TMEM94: variants seen among roughly 807,000 people sequenced by gnomAD.
TMEM94 encodes ER Mg2+ ATPase.
A neutral mutation model predicts 158.6 loss-of-function variants in TMEM94; 81 were observed. The observed-to-expected ratio is 0.51, with a 90% CI of 0.43 to 0.61. TMEM94 has a LOEUF of 0.61. Among genes scored for constraint, TMEM94 ranks in the 20% least tolerant of loss-of-function variants. The pLI is 0.00. For missense variants in TMEM94, 1,435 were observed against 1,762.0 expected (o/e 0.81, Z 3.32); for synonymous variants, 751 against 730.7 (o/e 1.03, Z -0.45).
Position 75,486,381 on chromosome 17 carries a change from C to T in TMEM94, c.364C>T (p.Arg122Trp), listed in dbSNP as rs769128962. The T allele has an allele frequency of 6.8e-6, 11 of 1,614,044 alleles. No homozygotes were observed. Among genetic ancestry groups the T allele is most frequent in the African/African-American group, 1.3e-5 (1 of 74,910 alleles). The change falls in exon 5 of 32, where the codon CGG becomes TGG. Residue 122 changes from arginine (R) to tryptophan (W), a missense_variant. This residue lies in a region of TMEM94 where 1,051 missense variants were observed against 1,254.4 expected (regional missense o/e 0.84). Coordinates refer to ENST00000314256, the MANE Select transcript of TMEM94 (RefSeq NM_014738.6). ...CGGGCGGCAAGACCGGCTGAAGCGT[C>T]GGGAGGTAGAGCGGAGGCTGCGAGG... Reference protein sequence around the residue: ...LIGRQDRLKRREVERRLRGII... With the variant: ...LIGRQDRLKRWEVERRLRGII...
rs372064721 is a variant in TMEM94, at chr17:75,489,375, G to C, written c.867+7G>C. The stretch of plus-strand genomic sequence containing the variant: ...TGCTGTGCCCGTGGTCCTGGTGCGT[G>C]TGGCGGGGCTGTGCGGGGCTGCATG... On this transcript the variant is annotated splice_region_variant and intron_variant, in intron 8 of 31. Transcript: ENST00000314256. This position sits in a 1 kb window ranked among gnomAD's most constrained non-coding sequence, Gnocchi z 5.0. 3 of 1,613,552 alleles carry C rather than the reference G, an allele frequency of 1.9e-6. No individual in the cohort carries two copies. Among genetic ancestry groups the C allele is most frequent in the Non-Finnish European group, 2.5e-6 (3 of 1,179,572 alleles).
Position 75,494,806 on chromosome 17 carries a change from A to G in TMEM94, c.2587A>G (p.Lys863Glu). Residue 863 changes from lysine to glutamate, a missense_variant and splice_region_variant, in exon 19 of 32, where the codon AAG becomes GAG. Physicochemically the swap from Lys to Glu is moderately conservative, Grantham distance 56. Transcript: ENST00000314256. ...CTCTTTGGAGGATGAGCTCAAAAGC[A>G]AGGTGGGGAGAGCCATCCCTTCTGC... ...YFSLEDELKSKVFAEKMGLET... is the reference protein window; with the variant it reads ...YFSLEDELKSEVFAEKMGLET... 1 of 1,613,530 alleles carries G rather than the reference A, an allele frequency of 6.2e-7. No homozygotes were observed. The highest frequency in any genetic ancestry group is 1.1e-5 in the South Asian group (1 of 91,086).
chr17:75,463,170 GTGTGTGTGTATA>G (rs1379223450), intron 1 of TMEM94, among the ~76,000 whole-genome samples: 5 of 4,824 alleles, frequency 1.0e-3, no homozygotes, highest in African/African-American at 2.4e-3. Flanking sequence ...ATGTGTGTGT[GTGTGTGTGTATA>G]TATATATATA....
chr17:75,484,453 C>T (rs1196654333), intron 2 of TMEM94, among the ~76,000 whole-genome samples: 2 of 151,930 alleles, frequency 1.3e-5, no homozygotes, highest in Non-Finnish European at 2.9e-5. Flanking sequence ...GGCTGGAGTG[C>T]AGTGGCACAA....
Position 75,477,553 on chromosome 17 carries a change from G to A in TMEM94, c.24+5624G>A, listed in dbSNP as rs548540958. Among the ~76,000 whole-genome samples the A allele has an allele frequency of 3.5e-3, 537 of 152,016 alleles. 5 individuals are homozygous for A. Among genetic ancestry groups the A allele is most frequent in the African/African-American group, 0.013 (524 of 41,490 alleles). ...CATGAGCCACCATGCCCAGCCAGCCGTTCTAATTAGTAGTTATCTGCTGTT... is the reference window on the plus strand; with the variant it reads ...CATGAGCCACCATGCCCAGCCAGCCATTCTAATTAGTAGTTATCTGCTGTT... On this transcript the variant is annotated intron_variant, in intron 2 of 31. Transcript: ENST00000314256.
rs1422675405 is a variant in TMEM94 at position 75,490,755 on chromosome 17, T to C, written c.1125T>C (p.Ser375=). Residue 375 remains serine (S), a synonymous_variant, in exon 11 of 32, where the codon TCT becomes TCC. Coordinates refer to ENST00000314256, the MANE Select transcript of TMEM94 (RefSeq NM_014738.6). The part of the protein sequence containing the change: ...TLSSYTEAVS[S]QEMLRCIWGH... ...GCAGCTATACGGAGGCTGTCTCCTC[T>C]CAGGTACAACACTGACCCGGGATGG... 6.8e-6 allele frequency: 11 copies of C among 1,613,740 alleles called. No homozygotes were observed. The highest frequency in any genetic ancestry group is 9.3e-6 in the Non-Finnish European group (11 of 1,179,754).
intron 26 of TMEM94, 123 bp from the exon 27 acceptor site, chr17:75,497,658 G>A: frequency 1.4e-6 from 1 of 728,308 alleles, no homozygotes; most frequent in Non-Finnish European, 2.4e-6. Flanking sequence ...TCCAGCCTTT[G>A]TTTTATTCCA....
At position 75,491,092 on chromosome 17, in the gene TMEM94, G is replaced by C; in HGVS notation, c.1172G>C (p.Gly391Ala). The C allele has an allele frequency of 1.2e-6, 2 of 1,613,562 alleles. No homozygotes were observed. The highest frequency in any genetic ancestry group is 1.7e-6 in the Non-Finnish European group (2 of 1,179,790). Reference protein sequence around the residue: ...CIWGHFLRVLGGTSPTLSHSS... With the variant: ...CIWGHFLRVLAGTSPTLSHSS... ...TGGGGCCACTTCCTGAGGGTGCTCG[G>C]GGGGACATCGCCAACGCTGAGCCAC... The change falls in exon 12 of 32, where the codon GGG becomes GCG. Residue 391 changes from glycine (G) to alanine (A), a missense_variant. Around this residue, in one of 3 missense-constraint regions of TMEM94, gnomAD observed 1,051 missense variants for 1,254.4 expected, o/e 0.84. Transcript: ENST00000314256. This position sits in a 1 kb window ranked among gnomAD's most constrained non-coding sequence, Gnocchi z 5.1.
At chr17:75,490,921 C>T (rs1215119133) in intron 11 of TMEM94, 128 bp from the exon 12 acceptor site, 5 of 938,200 alleles carry the variant, frequency 5.3e-6, no homozygotes, top group Non-Finnish European at 6.6e-6. Context: ...CGTGTCCACA[C>T]CCTGTCCCAG....
Position 75,492,011 on chromosome 17 carries a change from T to C in TMEM94, c.1596+111T>C. 1 of 1,133,524 alleles carries C rather than the reference T, an allele frequency of 8.8e-7. No homozygotes were observed. Among genetic ancestry groups the C allele is most frequent in the African/African-American group, 1.6e-5 (1 of 64,482 alleles). The allele number at this position is 1,133,524 out of a possible 1,614,324, so 70.2% of individuals were successfully genotyped here. A position where few individuals can be genotyped will look rare whatever the true frequency, so the allele number is the denominator to read the frequency against. On this transcript the variant is annotated intron_variant, in intron 14 of 31. Transcript: ENST00000314256. The surrounding 1 kb of genome is among the most constrained non-coding windows in gnomAD (Gnocchi z 4.4). Reference sequence around the variant, plus strand: ...TGAAAGAGCAGGCGTCTCTGCCCTCTGTCCCAGCACCTCCAGGCTAGGCCA... The same window carrying C: ...TGAAAGAGCAGGCGTCTCTGCCCTCCGTCCCAGCACCTCCAGGCTAGGCCA...
chr17:75,497,298 G>A, intron 26 of TMEM94, 100 bp downstream of exon 26: 1 of 885,662 alleles, frequency 1.1e-6, no homozygotes, highest in South Asian at 1.4e-5. Context: ...AACTGCTCAG[G>A]TCTCACCTCC....
intron 2 of TMEM94, among the ~76,000 whole-genome samples, chr17:75,479,400 A>G (rs1430617196): frequency 6.6e-6 from 1 of 152,026 alleles, no homozygotes; most frequent in Non-Finnish European, 1.5e-5. Flanking sequence ...GCTCACTGCA[A>G]CCGCCGCCTC....
intron 2 of TMEM94, among the ~76,000 whole-genome samples, chr17:75,483,156 C>T (rs966679914): frequency 6.6e-6 from 1 of 152,156 alleles, no homozygotes; most frequent in African/African-American, 2.4e-5. Flanking sequence ...AGGGGCTCGG[C>T]TCGTGTCAGG....
In TMEM94 at chr17:75,492,172, A is replaced by G; in HGVS notation, c.1596+272A>G. 1 of 1,129,974 alleles carries G rather than the reference A, an allele frequency of 8.8e-7. No homozygotes were observed. Among genetic ancestry groups the G allele is most frequent in the Non-Finnish European group, 1.2e-6 (1 of 824,698 alleles). The allele number at this position is 1,129,974 out of a possible 1,614,324, so 70.0% of individuals were successfully genotyped here. A position where few individuals can be genotyped will look rare whatever the true frequency, so the allele number is the denominator to read the frequency against. ...TACACAGCCCGGAGCTCCCTCTTAG[A>G]GATGTTCCCTGGCCACAGAAGATCC... On this transcript the variant is annotated intron_variant, in intron 14 of 31. Transcript: ENST00000314256. The surrounding 1 kb of genome is among the most constrained non-coding windows in gnomAD (Gnocchi z 4.4).
chr17:75,491,440 C>T lies in TMEM94; in HGVS notation c.1371C>T (p.Ser457=). The T allele has an allele frequency of 6.2e-7, 1 of 1,614,162 alleles. No homozygotes were observed. ...EDLTDGLSTR[S]FCHPEPHERD... is the part of the protein sequence containing the mutation. ...TCACCGATGGCCTATCCACCCGCTCCTTCTGCCATCCCGAGGTAGAGGAGG... is the reference window on the plus strand; with the variant it reads ...TCACCGATGGCCTATCCACCCGCTCTTTCTGCCATCCCGAGGTAGAGGAGG... The change falls in exon 13 of 32, where the codon TCC becomes TCT. Residue 457 remains serine, a synonymous_variant. Transcript: ENST00000314256. This position sits in a 1 kb window ranked among gnomAD's most constrained non-coding sequence, Gnocchi z 5.1.
At chr17:75,461,078 T>A (rs2050048835) in intron 1 of TMEM94, among the ~76,000 whole-genome samples, 1 of 148,746 alleles carries the variant, frequency 6.7e-6, no homozygotes, top group Admixed American at 6.8e-5. Flanking sequence ...ACAACATTTG[T>A]CCTTTTGCGA....
In TMEM94 at chr17:75,492,971, A is replaced by G. The variant is rs754116287; in HGVS notation, c.1955A>G (p.His652Arg). 1.2e-6 allele frequency: 2 copies of G among 1,613,764 alleles called. No individual in the cohort carries two copies. Among genetic ancestry groups the G allele is most frequent in the Non-Finnish European group, 1.7e-6 (2 of 1,180,016 alleles). ...GAKELFKQEN[H>R]LALYRLPSAE... is the part of the protein sequence containing the mutation. ...AAGGAGCTTTTCAAGCAGGAGAACC[A>G]TCTGGCGCTGTACCGCCTCCCCAGT... The change falls in exon 16 of 32, where the codon CAT becomes CGT. Residue 652 changes from histidine (H) to arginine (R), a missense_variant. Transcript: ENST00000314256. This position sits in a 1 kb window ranked among gnomAD's most constrained non-coding sequence, Gnocchi z 4.4.
chr17:75,492,843 C>G lies in TMEM94; in HGVS notation c.1912+54C>G, dbSNP rs1185863015. 3.2e-6 allele frequency: 5 copies of G among 1,583,512 alleles called. No homozygotes were observed. Among genetic ancestry groups the G allele is most frequent in the Non-Finnish European group, 4.3e-6 (5 of 1,164,554 alleles). On this transcript the variant is annotated intron_variant, in intron 15 of 31. Coordinates refer to ENST00000314256, the MANE Select transcript of TMEM94 (RefSeq NM_014738.6). The surrounding 1 kb of genome is among the most constrained non-coding windows in gnomAD (Gnocchi z 4.4). ...GGCTGGACCCGCCTCCTAGAAGAGG[C>G]CCAGTACCAACTCCTCACGGGACTT...
chr17:75,489,506 A>G lies in TMEM94; in HGVS notation c.868-70A>G. 1 of 1,513,006 alleles carries G rather than the reference A, an allele frequency of 6.6e-7. No homozygotes were observed. The highest frequency in any genetic ancestry group is 1.1e-5 in the South Asian group (1 of 89,030). 93.7% of individuals were successfully genotyped at this position (1,513,006 alleles called of 1,614,324 possible). A position where few individuals can be genotyped will look rare whatever the true frequency, so the allele number is the denominator to read the frequency against. On this transcript the variant is annotated intron_variant, in intron 8 of 31. Transcript: ENST00000314256. This position sits in a 1 kb window ranked among gnomAD's most constrained non-coding sequence, Gnocchi z 5.0. Reference sequence around the variant, plus strand: ...AGCCAGCCTGTGGAGTAGCAAAGGAAGGGGAACGGCAGTGCCTGGGTCCCT... The same window carrying G: ...AGCCAGCCTGTGGAGTAGCAAAGGAGGGGGAACGGCAGTGCCTGGGTCCCT...
Sources: gnomAD v4.1 joint callset for allele counts (sites outside exome capture counted in the v4.1 genomes callset) on GRCh38, gnomAD v4.1.1 for gene constraint, gnomAD v4.1.1 regional missense constraint, Gnocchi (gnomAD v3.1) non-coding constraint, MANE v1.5 for transcripts, NCBI Gene and HGNC (gene_info 2026-07-23, HGNC 2026-07-21) for gene names.